ATXN8OS: variants seen among roughly 807,000 people sequenced by gnomAD.
ATXN8OS encodes the protein ATXN8 opposite strand (non-protein coding).
At chr13:70,144,244 C>A (rs1888752653) in intron 3 of ATXN8OS, among the ~76,000 whole-genome samples, 1 of 152,054 alleles carries the variant, frequency 6.6e-6, no homozygotes, top group African/African-American at 2.4e-5. Context: ...CAATTTTCTC[C>A]ATCCGTTTAC....
intron 3 of ATXN8OS, chr13:70,130,873 C>T (rs1252174492): frequency 5.0e-6 from 2 of 398,404 alleles, no homozygotes; most frequent in Admixed American, 4.4e-5. Flanking sequence ...GCAAATCATA[C>T]AAGAAGGTCC....
At chr13:70,125,543 T>C (rs1375614306) in intron 2 of ATXN8OS, among the ~76,000 whole-genome samples, 1 of 152,200 alleles carries the variant, frequency 6.6e-6, no homozygotes, top group Admixed American at 6.5e-5. Context: ...GACACTCACA[T>C]AGGATATCTA....
chr13:70,136,064 C>A (rs1888609095), intron 3 of ATXN8OS, among the ~76,000 whole-genome samples: 1 of 152,136 alleles, frequency 6.6e-6, no homozygotes, highest in Non-Finnish European at 1.5e-5. Flanking sequence ...ATTAGAAAAT[C>A]CTCTGATTGG....
At chr13:70,125,777 T>A (rs1888424381) in intron 2 of ATXN8OS, among the ~76,000 whole-genome samples, 1 of 152,146 alleles carries the variant, frequency 6.6e-6, no homozygotes, top group Admixed American at 6.6e-5. Flanking sequence ...CAGGGATGTT[T>A]CACTGATGCA....
At chr13:70,157,803 C>T (rs1888956196) in intron 4 of ATXN8OS, among the ~76,000 whole-genome samples, 1 of 152,106 alleles carries the variant, frequency 6.6e-6, no homozygotes, top group Non-Finnish European at 1.5e-5. Flanking sequence ...TGATCTTCTG[C>T]ATGGAATAGG....
At chr13:70,164,055 CTTATTA>C (rs56827181) in intron 4 of ATXN8OS, among the ~76,000 whole-genome samples, 347 of 29,092 alleles carry the variant, frequency 0.012, 2 homozygotes, top group African/African-American at 0.025. Flanking sequence ...AGTTTTTATT[CTTATTA>C]TTATTATTAT....
chr13:70,138,447 G>C (rs1332196500), intron 3 of ATXN8OS, among the ~76,000 whole-genome samples: 1 of 151,908 alleles, frequency 6.6e-6, no homozygotes, highest in East Asian at 1.9e-4. Context: ...GCAAAAAATA[G>C]GTTCTATTGT....
At chr13:70,148,062 G>A (rs1420984888) in intron 4 of ATXN8OS, among the ~76,000 whole-genome samples, 1 of 152,266 alleles carries the variant, frequency 6.6e-6, no homozygotes, top group Non-Finnish European at 1.5e-5. Flanking sequence ...AAGACTGGAA[G>A]AGAGTTGTGG....
At chr13:70,152,398 T>G (rs576038045) in intron 4 of ATXN8OS, among the ~76,000 whole-genome samples, 1 of 152,116 alleles carries the variant, frequency 6.6e-6, no homozygotes, top group African/African-American at 2.4e-5. Context: ...TATACACATA[T>G]ATACATACAA....
At chr13:70,154,112 G>C (rs1888907422) in intron 4 of ATXN8OS, among the ~76,000 whole-genome samples, 1 of 152,134 alleles carries the variant, frequency 6.6e-6, no homozygotes, top group African/African-American at 2.4e-5. Context: ...TATTGAACAA[G>C]TGAGACTTAG....
intron 4 of ATXN8OS, among the ~76,000 whole-genome samples, chr13:70,155,712 T>C (rs1437241348): frequency 1.3e-5 from 2 of 151,974 alleles, no homozygotes; most frequent in East Asian, 1.9e-4. Context: ...AGTCATAATA[T>C]GCTTCTCATA....
At chr13:70,169,484 C>T (rs1276705103) in intron 4 of ATXN8OS, among the ~76,000 whole-genome samples, 6 of 151,882 alleles carry the variant, frequency 4.0e-5, no homozygotes, top group East Asian at 3.9e-4. Context: ...TTTGTAGAGA[C>T]GGGGTTTCAC....
At chr13:70,108,908 G>C (rs1039792999) in intron 1 of ATXN8OS, among the ~76,000 whole-genome samples, 1 of 152,174 alleles carries the variant, frequency 6.6e-6, no homozygotes, top group Admixed American at 6.5e-5. Flanking sequence ...CTGCTATTAA[G>C]GCACCCAGGC....
chr13:70,123,572 G>T (rs533160834), intron 2 of ATXN8OS, among the ~76,000 whole-genome samples: 3 of 152,108 alleles, frequency 2.0e-5, no homozygotes, highest in African/African-American at 7.2e-5. Flanking sequence ...ACTTAGAAAA[G>T]ATCTGAAAAT....
intron 3 of ATXN8OS, among the ~76,000 whole-genome samples, chr13:70,138,186 T>C (rs924626923): frequency 6.6e-6 from 1 of 152,226 alleles, no homozygotes; most frequent in Non-Finnish European, 1.5e-5. Flanking sequence ...CCTGTTGTGC[T>C]ACATTTTGTT....
intron 4 of ATXN8OS, among the ~76,000 whole-genome samples, chr13:70,150,690 C>T (rs1593773516): frequency 6.6e-6 from 1 of 152,036 alleles, no homozygotes; most frequent in Non-Finnish European, 1.5e-5. Context: ...AAAGTAATTA[C>T]TGACTCCTCT....
chr13:70,139,380 A>ACTGCTACTACTACTACTG (rs752810956), intron 3 of ATXN8OS: 1 of 563,564 alleles, frequency 1.8e-6, no homozygotes, highest in African/African-American at 2.7e-5. Flanking sequence ...TACTACTACT[A>ACTGCTACTACTACTACTG]CTACTGCTGC....
At chr13:70,127,110 A>G (rs1248042032) in intron 2 of ATXN8OS, among the ~76,000 whole-genome samples, 1 of 151,844 alleles carries the variant, frequency 6.6e-6, no homozygotes. Context: ...ACAGAAAGAA[A>G]GTTTAAAATC....
At chr13:70,122,798 C>A (rs1376065560) in intron 2 of ATXN8OS, among the ~76,000 whole-genome samples, 1 of 151,844 alleles carries the variant, frequency 6.6e-6, no homozygotes, top group Non-Finnish European at 1.5e-5. Flanking sequence ...GGCATTTGAT[C>A]TTGGTTAAAT....
Sources: allele counts gnomAD v4.1 joint callset (sites outside exome capture counted in the v4.1 genomes callset), GRCh38; gene constraint gnomAD v4.1.1; transcripts MANE v1.5; gene names NCBI Gene and HGNC (gene_info 2026-07-23, HGNC 2026-07-21).